Variants in TMEM132B observed in about 807,000 individuals in gnomAD.
TMEM132B encodes transmembrane protein 132B.
A neutral mutation model predicts 90.8 loss-of-function variants in TMEM132B; 18 were observed. That is an observed-to-expected ratio of 0.20 (90% CI 0.14 to 0.29). The LOEUF (loss-of-function observed/expected upper bound fraction) is 0.29. TMEM132B is among the 10% of genes least tolerant of loss of function. The pLI is 1.00. For missense variants in TMEM132B, 1,096 were observed against 1,326.8 expected (o/e 0.83, Z 2.70); for synonymous variants, 504 against 523.3 (o/e 0.96, Z 0.50).
chr12:125,586,880 G>A (rs754206136), intron 5 of TMEM132B: 1 of 152,154 alleles, frequency 6.6e-6, no homozygotes, highest in African/African-American at 2.4e-5. Context: ...TCATATGCTG[G>A]AGTTACTAAG....
At chr12:125,451,768 A>T (rs1214931693) in intron 3 of TMEM132B, among the ~76,000 whole-genome samples, 1 of 152,200 alleles carries the variant, frequency 6.6e-6, no homozygotes, top group East Asian at 1.9e-4. Context: ...AGATGAAGGC[A>T]CTTTTCTCCA....
chr12:125,475,376 G>A lies in TMEM132B; in HGVS notation c.1107-44063G>A, dbSNP rs143902513. Reference sequence around the variant, plus strand: ...AAATAGGCTTGTGATGGTTAATACTGAGTGTCAACTTGATTGGATTGAAGG... The same window carrying A: ...AAATAGGCTTGTGATGGTTAATACTAAGTGTCAACTTGATTGGATTGAAGG... On this transcript the variant is annotated intron_variant, in intron 3 of 8. Coordinates refer to ENST00000682704, the MANE Select transcript of TMEM132B (RefSeq NM_001366854.1). 9.3e-3 allele frequency among the ~76,000 whole-genome samples: 1,411 copies of A among 152,216 alleles called. 14 individuals are homozygous for A. Among genetic ancestry groups the A allele is most frequent in the Middle Eastern group, 0.014 (4 of 294 alleles).
rs146161746 is a variant in TMEM132B at position 125,605,193 on chromosome 12, G to A, written c.1437+21199G>A. On this transcript the variant is annotated intron_variant, in intron 5 of 8. Transcript: ENST00000682704. ...CTTCTGGGCAGTCTTCCCACGTTGAGATAATTATCTTTCTTTTTTCCCTTT... is the reference window on the plus strand; with the variant it reads ...CTTCTGGGCAGTCTTCCCACGTTGAAATAATTATCTTTCTTTTTTCCCTTT... 6.9e-3 allele frequency among the ~76,000 whole-genome samples: 1,051 copies of A among 152,248 alleles called. 8 individuals are homozygous for A. The highest frequency in any genetic ancestry group is 0.02 in the Middle Eastern group (6 of 294).
intron 3 of TMEM132B, among the ~76,000 whole-genome samples, chr12:125,444,335 C>A (rs965486364): frequency 6.6e-6 from 1 of 152,076 alleles, no homozygotes; most frequent in Non-Finnish European, 1.5e-5. Context: ...TTTTTATGTT[C>A]TATATAAACA....
intron 1 of TMEM132B, among the ~76,000 whole-genome samples, chr12:125,230,411 G>C (rs1340432813): frequency 6.6e-6 from 1 of 152,080 alleles, no homozygotes; most frequent in Non-Finnish European, 1.5e-5. Context: ...AGGTCCTCAG[G>C]CCTCGCCCTG....
chr12:125,500,375 C>A (rs1471023572), intron 3 of TMEM132B, among the ~76,000 whole-genome samples: 1 of 152,184 alleles, frequency 6.6e-6, no homozygotes, highest in Non-Finnish European at 1.5e-5. Context: ...GGCTTCTACC[C>A]ACTGGATGCT....
At chr12:125,308,079 T>TAATAC (rs1876037354) in intron 1 of TMEM132B, among the ~76,000 whole-genome samples, 2 of 136,584 alleles carry the variant, frequency 1.5e-5, no homozygotes, top group African/African-American at 5.4e-5. Flanking sequence ...AAGTATATTA[T>TAATAC]AAGTATATAT....
At chr12:125,286,174 G>T (rs776793051) in intron 1 of TMEM132B, among the ~76,000 whole-genome samples, 3 of 152,238 alleles carry the variant, frequency 2.0e-5, no homozygotes, top group Non-Finnish European at 4.4e-5. Context: ...GAAGAGAGAA[G>T]CACAGAGAAG....
intron 2 of TMEM132B, among the ~76,000 whole-genome samples, chr12:125,402,067 G>A (rs1879335808): frequency 6.6e-6 from 1 of 152,134 alleles, no homozygotes; most frequent in East Asian, 1.9e-4. Flanking sequence ...AAATATTTGA[G>A]GGCTTCTCCA....
intron 4 of TMEM132B, among the ~76,000 whole-genome samples, chr12:125,533,692 T>C (rs928666465): frequency 1.3e-5 from 2 of 152,090 alleles, no homozygotes; most frequent in Admixed American, 6.5e-5. Context: ...CGGAGGCTCC[T>C]GGAGCCCCTG....
chr12:125,613,571 G>C (rs1885915671), intron 5 of TMEM132B, among the ~76,000 whole-genome samples: 1 of 151,568 alleles, frequency 6.6e-6, no homozygotes, highest in African/African-American at 2.4e-5. Flanking sequence ...CTATTTTTGA[G>C]TTATTTTCTT....
intron 1 of TMEM132B, among the ~76,000 whole-genome samples, chr12:125,291,192 G>C (rs1363236193): frequency 1.3e-5 from 2 of 152,196 alleles, no homozygotes; most frequent in Admixed American, 1.3e-4. Flanking sequence ...TGAGGACACA[G>C]TGAGAAGGTG....
rs957072982 is a variant in TMEM132B at position 125,653,859 on chromosome 12, C to G, written c.2401C>G (p.His801Asp). 6.2e-7 allele frequency: 1 copy of G among 1,614,110 alleles called. No individual in the cohort carries two copies. Among genetic ancestry groups the G allele is most frequent in the Non-Finnish European group, 8.5e-7 (1 of 1,180,020 alleles). The change falls in exon 9 of 9, where the codon CAC becomes GAC. Residue 801 changes from histidine to aspartate, a missense_variant. Transcript: ENST00000682704. ...CAAATTCGAACCAAGTAGTGATGAG[C>G]ACCAAGGAGGCAGCAATGATATTGA... ...KVKFEPSSDE[H>D]QGGSNDIEGI...
chr12:125,639,569 T>C (rs1403999552), intron 5 of TMEM132B, among the ~76,000 whole-genome samples: 1 of 152,212 alleles, frequency 6.6e-6, no homozygotes, highest in Non-Finnish European at 1.5e-5. Context: ...GGAAGATAGA[T>C]AAGAAACAAC....
At chr12:125,210,488 G>A (rs1296173144) in intron 1 of TMEM132B, among the ~76,000 whole-genome samples, 1 of 152,132 alleles carries the variant, frequency 6.6e-6, no homozygotes, top group East Asian at 1.9e-4. Flanking sequence ...CAGCAGTGAA[G>A]TGACTGGACC....
chr12:125,260,857 C>A (rs923969300), intron 1 of TMEM132B, among the ~76,000 whole-genome samples: 2 of 151,840 alleles, frequency 1.3e-5, no homozygotes, highest in East Asian at 3.9e-4. Flanking sequence ...TCGAGGATGC[C>A]GTGAGCTATG....
rs187685042 is a variant in TMEM132B, at chr12:125,584,066, G to T, written c.1437+72G>T. On this transcript the variant is annotated intron_variant, in intron 5 of 8. Transcript: ENST00000682704. ...TGTCGTTCCTTCTTTTGTCTCCAAG[G>T]TCTTGTTCTCACTGAGCATCCCATG... 2.8e-3 allele frequency: 4,560 copies of T among 1,606,864 alleles called. 3 individuals are homozygous for T. Among genetic ancestry groups the T allele is most frequent in the Middle Eastern group, 3.3e-3 (20 of 6,030 alleles).
At chr12:125,565,439 T>C (rs551951331) in intron 4 of TMEM132B, among the ~76,000 whole-genome samples, 25 of 152,334 alleles carry the variant, frequency 1.6e-4, no homozygotes, top group African/African-American at 6.0e-4. Flanking sequence ...TACAGTGTGC[T>C]CTTTAGCCTT....
intron 1 of TMEM132B, among the ~76,000 whole-genome samples, chr12:125,253,846 G>T (rs1323856187): frequency 6.6e-6 from 1 of 152,198 alleles, no homozygotes; most frequent in Non-Finnish European, 1.5e-5. Flanking sequence ...CGGCTAAGAA[G>T]CAGAGGGTCA....
Sources: allele counts gnomAD v4.1 joint callset (sites outside exome capture counted in the v4.1 genomes callset), GRCh38; gene constraint gnomAD v4.1.1; transcripts MANE v1.5; gene names NCBI Gene and HGNC (gene_info 2026-07-23, HGNC 2026-07-21).